TEX9: variants seen among roughly 807,000 people sequenced by gnomAD.
TEX9 encodes testis-expressed protein 9.
Under a neutral mutation model 59.6 loss-of-function variants are expected in TEX9, and 74 were observed. The observed-to-expected ratio is 1.24, with a 90% CI of 1.03 to 1.51. The LOEUF (loss-of-function observed/expected upper bound fraction) is 1.51. Among genes scored for constraint, TEX9 ranks in the 40% most tolerant of loss-of-function variants. The pLI is 0.00. For synonymous variants in TEX9, 186 were observed against 152.2 expected, an observed-to-expected ratio of 1.22 and a Z score of -1.64; for missense variants, 522 against 447.8, an observed-to-expected ratio of 1.17 and a Z score of -1.49.
chr15:56,416,830 G>A (rs2049708829), intron 10 of TEX9, among the ~76,000 whole-genome samples: 1 of 151,678 alleles, frequency 6.6e-6, no homozygotes. Flanking sequence ...TGAATCCACT[G>A]GGTCCCAGGC....
chr15:56,386,409 A>G (rs970952764), intron 4 of TEX9, among the ~76,000 whole-genome samples: 4 of 151,868 alleles, frequency 2.6e-5, no homozygotes, highest in Non-Finnish European at 5.9e-5. Context: ...TAAAAAGAGT[A>G]TATTGTGTGA....
chr15:56,290,955 A>G (rs1011974990), intron 1 of TEX9, among the ~76,000 whole-genome samples: 1 of 152,160 alleles, frequency 6.6e-6, no homozygotes, highest in Non-Finnish European at 1.5e-5. Flanking sequence ...CATTTTGGTC[A>G]TGGCACAGCA....
At chr15:56,443,881 T>A in intron 12 of TEX9, 1 of 1,461,326 alleles carries the variant, frequency 6.8e-7, no homozygotes, top group Non-Finnish European at 9.3e-7. Flanking sequence ...AGTACAGATT[T>A]ATAGTAAACA....
chr15:56,432,062 A>G (rs1267167740), intron 12 of TEX9, among the ~76,000 whole-genome samples: 1 of 152,196 alleles, frequency 6.6e-6, no homozygotes, highest in African/African-American at 2.4e-5. Flanking sequence ...TGTTAATTTG[A>G]GACTGTACTT....
intron 1 of TEX9, among the ~76,000 whole-genome samples, chr15:56,252,544 T>G (rs2044049340): frequency 6.6e-6 from 1 of 152,082 alleles, no homozygotes; most frequent in African/African-American, 2.4e-5. Context: ...TTACAAAAAT[T>G]TTTCAAGCAG....
intron 1 of TEX9, among the ~76,000 whole-genome samples, chr15:56,268,113 T>C (rs1340677069): frequency 5.9e-5 from 9 of 152,348 alleles, no homozygotes; most frequent in African/African-American, 2.2e-4. Flanking sequence ...ACTCATGATT[T>C]GGCTCTCTGT....
intron 1 of TEX9, among the ~76,000 whole-genome samples, chr15:56,260,144 T>A (rs2044230711): frequency 6.6e-6 from 1 of 152,128 alleles, no homozygotes; most frequent in South Asian, 2.1e-4. Context: ...GTGTATATAT[T>A]ATTTTGGGTT....
intron 9 of TEX9, among the ~76,000 whole-genome samples, chr15:56,402,619 C>G (rs2048853053): frequency 6.6e-6 from 1 of 152,162 alleles, no homozygotes; most frequent in Admixed American, 6.5e-5. Context: ...AAGAGGGAAT[C>G]CTCCCTAACT....
intron 10 of TEX9, among the ~76,000 whole-genome samples, chr15:56,423,297 A>G (rs569395476): frequency 6.6e-6 from 1 of 152,200 alleles, no homozygotes; most frequent in Non-Finnish European, 1.5e-5. Flanking sequence ...TTGCCTCATG[A>G]TATTTTCCAA....
intron 1 of TEX9, among the ~76,000 whole-genome samples, chr15:56,332,487 G>T (rs2046170067): frequency 7.7e-6 from 1 of 130,494 alleles, no homozygotes; most frequent in South Asian, 2.9e-4. Flanking sequence ...GGGGAGGGGG[G>T]AGGGATAGCA....
intron 1 of TEX9, among the ~76,000 whole-genome samples, chr15:56,289,770 G>A (rs548755336): frequency 6.6e-6 from 1 of 152,136 alleles, no homozygotes; most frequent in South Asian, 2.1e-4. Flanking sequence ...ACAGACATGC[G>A]TGGACTACAG....
chr15:56,421,635 G>C (rs1364791397), intron 10 of TEX9: 1 of 151,644 alleles, frequency 6.6e-6, no homozygotes, highest in Non-Finnish European at 1.5e-5. Context: ...AAAAAATCCA[G>C]TCTCCAGAGT....
intron 2 of TEX9, among the ~76,000 whole-genome samples, chr15:56,371,845 G>A (rs1270327371): frequency 1.3e-5 from 2 of 152,168 alleles, no homozygotes; most frequent in Non-Finnish European, 2.9e-5. Context: ...TTTTCTACCT[G>A]TGGTTCTAGT....
chr15:56,429,010 T>C (rs563617463), intron 12 of TEX9: 15 of 658,968 alleles, frequency 2.3e-5, no homozygotes, highest in Non-Finnish European at 3.3e-5. Flanking sequence ...AGACAATGGA[T>C]ACCTAATGCC....
intron 1 of TEX9, among the ~76,000 whole-genome samples, chr15:56,349,103 G>A (rs1252307934): frequency 1.3e-5 from 2 of 151,826 alleles, no homozygotes; most frequent in African/African-American, 4.8e-5. Flanking sequence ...CCAACATCTG[G>A]GTCTTCTCAA....
chr15:56,316,181 C>G (rs1316096308), intron 1 of TEX9, among the ~76,000 whole-genome samples: 1 of 144,366 alleles, frequency 6.9e-6, no homozygotes, highest in Non-Finnish European at 1.5e-5. Context: ...CAGCTTTGTT[C>G]CGTTGCTGGT....
intron 1 of TEX9, among the ~76,000 whole-genome samples, chr15:56,330,902 TG>T (rs1416802526): frequency 6.6e-6 from 1 of 152,058 alleles, no homozygotes. Flanking sequence ...AATGATCTGT[TG>T]CCTAAAAGAA....
intron 1 of TEX9, among the ~76,000 whole-genome samples, chr15:56,348,625 A>G (rs562014489): frequency 5.9e-5 from 9 of 152,148 alleles, no homozygotes; most frequent in Non-Finnish European, 8.8e-5. Flanking sequence ...CACTGTTGCC[A>G]TGTATAAATT....
At chr15:56,440,544 G>T (rs1387404634) in intron 12 of TEX9, among the ~76,000 whole-genome samples, 1 of 152,110 alleles carries the variant, frequency 6.6e-6, no homozygotes, top group East Asian at 1.9e-4. Flanking sequence ...ACTCATCAGA[G>T]CTAAATATTG....
Sources: allele counts gnomAD v4.1 joint callset (sites outside exome capture counted in the v4.1 genomes callset), GRCh38; gene constraint gnomAD v4.1.1; transcripts MANE v1.5; gene names NCBI Gene and HGNC (gene_info 2026-07-23, HGNC 2026-07-21).